STXBP5: variants seen among roughly 807,000 people sequenced by gnomAD.
STXBP5 encodes syntaxin-binding protein 5.
In STXBP5, 50 loss-of-function variants were observed where a neutral mutation model predicts 152.4. The ratio of observed to expected loss-of-function variants is 0.33; its 90% CI spans 0.26 to 0.42. The LOEUF (loss-of-function observed/expected upper bound fraction) is 0.42, where lower values mean the gene tolerates loss of function less well. STXBP5 is among the 10% of genes least tolerant of loss of function. The pLI is 1.00. For missense variants in STXBP5, 1,167 were observed against 1,388.6 expected (o/e 0.84, Z 2.54); for synonymous variants, 492 against 494.7 (o/e 0.99, Z 0.07).
intron 7 of STXBP5, among the ~76,000 whole-genome samples, chr6:147,269,202 C>A (rs1387216972): frequency 6.6e-6 from 1 of 152,138 alleles, no homozygotes; most frequent in East Asian, 1.9e-4. Flanking sequence ...GAATAGTTCA[C>A]ATTCCCAACA....
chr6:147,235,294 G>C lies in STXBP5; in HGVS notation c.293G>C (p.Gly98Ala), dbSNP rs770780576. 6.2e-7 allele frequency: 1 copy of C among 1,613,230 alleles called. No individual in the cohort carries two copies. Among genetic ancestry groups the C allele is most frequent in the South Asian group, 1.1e-5 (1 of 91,018 alleles). ...GVECYCQHDSGAAVIQLQFLI... is the reference protein window; with the variant it reads ...GVECYCQHDSAAAVIQLQFLI... Reference sequence around the variant, plus strand: ...GAATGTTATTGCCAGCATGACAGTGGAGCTGCAGTAATCCAGCTCCAGTTC... The same window carrying C: ...GAATGTTATTGCCAGCATGACAGTGCAGCTGCAGTAATCCAGCTCCAGTTC... The change falls in exon 3 of 28, where the codon GGA becomes GCA. Residue 98 changes from glycine (G) to alanine (A), a missense_variant. By Grantham distance (60) the Gly-to-Ala change is moderately conservative. Transcript: ENST00000321680.
At chr6:147,304,314 G>A (rs1781980118) in intron 9 of STXBP5, among the ~76,000 whole-genome samples, 1 of 152,192 alleles carries the variant, frequency 6.6e-6, no homozygotes, top group Non-Finnish European at 1.5e-5. Context: ...TTCAGAGGGT[G>A]CAAGCCCCAA....
chr6:147,313,420 A>T (rs1032574855), intron 11 of STXBP5, among the ~76,000 whole-genome samples: 1 of 152,220 alleles, frequency 6.6e-6, no homozygotes, highest in Non-Finnish European at 1.5e-5. Flanking sequence ...TATTACCAAA[A>T]CAAGAAAAAT....
At chr6:147,230,991 A>G (rs779028147) in intron 2 of STXBP5, among the ~76,000 whole-genome samples, 12 of 151,670 alleles carry the variant, frequency 7.9e-5, no homozygotes, top group South Asian at 4.1e-4. Flanking sequence ...AGGCCTCCCA[A>G]TTCTTCATTT....
rs767425114 is a variant in STXBP5 at position 147,278,160 on chromosome 6, A to T, written c.794A>T (p.Asn265Ile). ...SHSDGTLTIW[N>I]VRSPAKPVQT... Reference sequence around the variant, plus strand: ...TCAGATGGCACCTTGACTATATGGAATGTAAGGTCCCCTGCTAAACCAGTA... The same window carrying T: ...TCAGATGGCACCTTGACTATATGGATTGTAAGGTCCCCTGCTAAACCAGTA... The change falls in exon 8 of 28, where the codon AAT becomes ATT. Residue 265 changes from asparagine (N) to isoleucine (I), a missense_variant. Transcript: ENST00000321680. The T allele has an allele frequency of 1.2e-6, 2 of 1,612,984 alleles. No homozygotes were observed. The highest frequency in any genetic ancestry group is 3.3e-5 in the Admixed American group (2 of 59,976).
At chr6:147,369,400 T>C (rs1450028125) in intron 25 of STXBP5, among the ~76,000 whole-genome samples, 1 of 152,066 alleles carries the variant, frequency 6.6e-6, no homozygotes, top group Non-Finnish European at 1.5e-5. Context: ...ATCTGTTACC[T>C]TATTTTGGGA....
chr6:147,370,769 A>G (rs931138883), intron 25 of STXBP5, among the ~76,000 whole-genome samples: 4 of 152,088 alleles, frequency 2.6e-5, no homozygotes, highest in African/African-American at 9.6e-5. Flanking sequence ...TGAACTGTTT[A>G]GCTTCTTATA....
chr6:147,271,396 A>G (rs1370421044), intron 7 of STXBP5, among the ~76,000 whole-genome samples: 5 of 152,174 alleles, frequency 3.3e-5, no homozygotes, highest in Non-Finnish European at 7.4e-5. Flanking sequence ...TCACCAAGAC[A>G]TGCTATATTT....
At chr6:147,363,812 C>CT in intron 24 of STXBP5, 108 bp downstream of exon 24, 2 of 1,457,708 alleles carry the variant, frequency 1.4e-6, no homozygotes, top group Non-Finnish European at 1.8e-6. Flanking sequence ...GTCTTATACT[C>CT]TGAGAATTTA....
At chr6:147,365,633 A>G (rs1267207090) in intron 25 of STXBP5, among the ~76,000 whole-genome samples, 1 of 152,220 alleles carries the variant, frequency 6.6e-6, no homozygotes, top group African/African-American at 2.4e-5. Context: ...GAGATAAACA[A>G]AAAATGGACT....
At chr6:147,283,770 T>G (rs566842812) in intron 8 of STXBP5, among the ~76,000 whole-genome samples, 15 of 152,150 alleles carry the variant, frequency 9.9e-5, no homozygotes, top group Non-Finnish European at 2.1e-4. Context: ...CCCACTGTCC[T>G]TTTCTTGGCC....
intron 9 of STXBP5, among the ~76,000 whole-genome samples, chr6:147,306,050 T>C (rs1430325348): frequency 6.6e-6 from 1 of 152,186 alleles, no homozygotes; most frequent in African/African-American, 2.4e-5. Flanking sequence ...GCAGAACAAT[T>C]ATTAAAATGG....
rs1562278269 is a variant in STXBP5, at chr6:147,378,352, G to T, written c.3194-4426G>T. Among the ~76,000 whole-genome samples the T allele has an allele frequency of 2.8e-5, 4 of 142,814 alleles. No individual in the cohort carries two copies. The South Asian group carries it at 6.6e-4, about 23-fold the overall frequency. The allele number at this position is 142,814 out of a possible 152,430, so 93.7% of individuals were successfully genotyped here. A position where few individuals can be genotyped will look rare whatever the true frequency, so the allele number is the denominator to read the frequency against. On this transcript the variant is annotated intron_variant, in intron 26 of 27. Coordinates refer to ENST00000321680, the MANE Select transcript of STXBP5 (RefSeq NM_001127715.4). ...AAGGTAGCAAATAATATGTAATAAA[G>T]ATAATATACCAAGACCAAGTTTGGT...
chr6:147,375,714 A>T (rs1341661728), intron 26 of STXBP5, among the ~76,000 whole-genome samples: 1 of 151,614 alleles, frequency 6.6e-6, no homozygotes, highest in East Asian at 1.9e-4. Context: ...AATTAATTCC[A>T]ATGATGTTTT....
chr6:147,209,158 T>A (rs1210197191), intron 2 of STXBP5, among the ~76,000 whole-genome samples: 1 of 152,152 alleles, frequency 6.6e-6, no homozygotes, highest in African/African-American at 2.4e-5. Flanking sequence ...ATTATATATA[T>A]GAATATTTCA....
chr6:147,297,259 TCAG>T (rs951239128), intron 9 of STXBP5, among the ~76,000 whole-genome samples: 20 of 152,208 alleles, frequency 1.3e-4, no homozygotes, highest in African/African-American at 4.8e-4. Context: ...AACGGATTTC[TCAG>T]CAGAAGCCTT....
chr6:147,243,922 C>G (rs147928470), intron 4 of STXBP5, among the ~76,000 whole-genome samples: 3 of 151,992 alleles, frequency 2.0e-5, no homozygotes, highest in East Asian at 1.9e-4. Context: ...TTAAGTAGAT[C>G]TATTTCTGGT....
intron 7 of STXBP5, among the ~76,000 whole-genome samples, chr6:147,273,134 G>T (rs1030119826): frequency 1.3e-4 from 20 of 149,602 alleles, no homozygotes; most frequent in Admixed American, 1.1e-3. Flanking sequence ...AGAAGGATCA[G>T]TTGAGGCCAG....
rs774601915 is a variant in STXBP5, at chr6:147,239,270, G to C, written c.431G>C (p.Arg144Thr). The stretch of plus-strand genomic sequence containing the variant: ...CATTCGCTTAAATTTTGCAGAGAAA[G>C]GTAAGAATTCTCCCAGTTATCTTAT... ...ILHSLKFCRE[R>T]VTFCHLPFQS... The change falls in exon 4 of 28, where the codon AGG becomes ACG. Residue 144 changes from arginine (R) to threonine (T), a missense_variant and splice_region_variant. Around this residue, in one of 3 missense-constraint regions of STXBP5, gnomAD observed 310 missense variants for 346.1 expected, o/e 0.90. Transcript: ENST00000321680. 14 of 1,611,850 alleles carry C rather than the reference G, an allele frequency of 8.7e-6. No homozygotes were observed. In the South Asian group the frequency reaches 1.2e-4, roughly 14 times the overall value.
Sources: allele counts gnomAD v4.1 joint callset (sites outside exome capture counted in the v4.1 genomes callset), GRCh38; gene constraint gnomAD v4.1.1; regional missense constraint gnomAD v4.1.1; transcripts MANE v1.5; gene names NCBI Gene and HGNC (gene_info 2026-07-23, HGNC 2026-07-21).